ARMC2: variants seen among roughly 807,000 people sequenced by gnomAD.
The protein encoded by ARMC2 is armadillo repeat containing 2.
A neutral mutation model predicts 90.3 loss-of-function variants in ARMC2; 67 were observed. The observed-to-expected ratio is 0.74, with a 90% CI of 0.61 to 0.91. The LOEUF (loss-of-function observed/expected upper bound fraction) is 0.91. Among genes scored for constraint, ARMC2 ranks in the 40% least tolerant of loss-of-function variants. The pLI is 0.00. For synonymous variants in ARMC2, 393 were observed against 393.0 expected (o/e 1.00, Z 0.00); for missense variants, 920 against 1,030.9 (o/e 0.89, Z 1.47).
At chr6:109,041,149 A>C in the ARMC2 span, among the ~76,000 whole-genome samples, 1,318 of 150,896 alleles carry the variant, frequency 8.7e-3, 22 homozygotes, top group African/African-American at 0.028. Context: ...AAAAAAAAAA[A>C]AAACAAACCA....
chr6:108,938,455 G>A (rs972205417), intron 12 of ARMC2, among the ~76,000 whole-genome samples: 20 of 149,588 alleles, frequency 1.3e-4, no homozygotes, highest in African/African-American at 4.9e-4. Flanking sequence ...GTTTTGCCAT[G>A]TGCTGGGATT....
chr6:109,026,565 C>T, the ARMC2 span, among the ~76,000 whole-genome samples: 4 of 152,006 alleles, frequency 2.6e-5, no homozygotes, highest in South Asian at 2.1e-4. Context: ...GGCGCAATCT[C>T]GGCTCACTGC....
the ARMC2 span, among the ~76,000 whole-genome samples, chr6:108,985,573 A>G: frequency 3.9e-5 from 6 of 152,174 alleles, no homozygotes; most frequent in Non-Finnish European, 7.4e-5. Flanking sequence ...AGGTATAAAC[A>G]TATTTTTTAA....
chr6:108,967,791 C>A (rs1226057234), intron 17 of ARMC2, among the ~76,000 whole-genome samples: 1 of 152,164 alleles, frequency 6.6e-6, no homozygotes, highest in Non-Finnish European at 1.5e-5. Flanking sequence ...ATGCGAAGGG[C>A]TGACTGCGCT....
chr6:108,909,618 C>A (rs1361772245), intron 8 of ARMC2, among the ~76,000 whole-genome samples: 2 of 152,144 alleles, frequency 1.3e-5, no homozygotes, highest in Admixed American at 6.5e-5. Context: ...TCACTGCAAC[C>A]TCCGCCTCCC....
At chr6:108,889,852 C>G (rs1770777857) in intron 5 of ARMC2, among the ~76,000 whole-genome samples, 1 of 151,810 alleles carries the variant, frequency 6.6e-6, no homozygotes, top group African/African-American at 2.4e-5. Context: ...ATTTCACATT[C>G]TAGTACTTTA....
chr6:108,995,366 C>T, the ARMC2 span, among the ~76,000 whole-genome samples: 1 of 152,180 alleles, frequency 6.6e-6, no homozygotes, highest in East Asian at 1.9e-4. Flanking sequence ...AGCTTTATTT[C>T]TACAATTTAC....
At chr6:108,937,027 A>C in intron 12 of ARMC2, 28 bp downstream of exon 12, 1 of 1,510,484 alleles carries the variant, frequency 6.6e-7, no homozygotes, top group East Asian at 2.3e-5. Context: ...TTAATTCTTC[A>C]ATGAGTCTTT....
chr6:108,868,806 A>T lies in ARMC2; in HGVS notation c.292-18A>T, dbSNP rs1284766438. 7.5e-6 allele frequency: 12 copies of T among 1,609,920 alleles called. No individual in the cohort carries two copies. The South Asian group carries it at 1.1e-4, about 15-fold the overall frequency. ...ACGCAGAAAGTCATTCCAGTTATTTAAAAAAATCTCTTTCCAGAAACCGAA... is the reference window on the plus strand; with the variant it reads ...ACGCAGAAAGTCATTCCAGTTATTTTAAAAAATCTCTTTCCAGAAACCGAA... On this transcript the variant is annotated intron_variant, in intron 3 of 17. Coordinates refer to ENST00000392644, the MANE Select transcript of ARMC2 (RefSeq NM_032131.6).
Position 108,928,195 on chromosome 6 carries a change from T to G in ARMC2, c.1458T>G (p.Gly486=). 2 of 1,572,416 alleles carry G rather than the reference T, an allele frequency of 1.3e-6. No individual in the cohort carries two copies. Among genetic ancestry groups the G allele is most frequent in the Non-Finnish European group, 1.7e-6 (2 of 1,159,250 alleles). Residue 486 remains glycine (G), a synonymous_variant, in exon 11 of 18, where the codon GGT becomes GGG. Transcript: ENST00000392644. The part of the protein sequence containing the change: ...QLCTAMEQYK[G]DKDVCTNIAR... ...GCACGGCAATGGAACAGTACAAGGG[T>G]GACAAGGACGTCTGTACCAATATTG...
intron 5 of ARMC2, among the ~76,000 whole-genome samples, chr6:108,881,219 T>C (rs1053861740): frequency 2.7e-5 from 4 of 150,322 alleles, no homozygotes; most frequent in African/African-American, 1.0e-4. Context: ...TCCTTTCTTT[T>C]CTTTCTTTCT....
chr6:108,991,474 C>A, the ARMC2 span, among the ~76,000 whole-genome samples: 1 of 152,134 alleles, frequency 6.6e-6, no homozygotes, highest in Non-Finnish European at 1.5e-5. Context: ...AATGCTTGGC[C>A]TCAGTGATTT....
the ARMC2 span, among the ~76,000 whole-genome samples, chr6:109,004,965 A>C: frequency 2.0e-5 from 3 of 152,344 alleles, no homozygotes; most frequent in South Asian, 6.2e-4. Context: ...AAGTATGAGA[A>C]AAAAGAGTAT....
intron 3 of ARMC2, among the ~76,000 whole-genome samples, chr6:108,862,997 G>A (rs1299019603): frequency 6.6e-6 from 1 of 152,186 alleles, no homozygotes; most frequent in Non-Finnish European, 1.5e-5. Context: ...GCAATGGGCT[G>A]CCCACACTCA....
the ARMC2 span, among the ~76,000 whole-genome samples, chr6:109,004,840 C>A: frequency 5.3e-5 from 8 of 152,178 alleles, no homozygotes; most frequent in Admixed American, 2.0e-4. Context: ...TGCTGAGATA[C>A]TGTCTTCCTC....
At chr6:108,987,537 A>T in the ARMC2 span, 11 of 1,516,242 alleles carry the variant, frequency 7.3e-6, no homozygotes, top group Admixed American at 1.8e-4. Context: ...TTAATGAAGG[A>T]AAGGCATCAG....
At chr6:108,964,605 C>A (rs1778228669) in intron 16 of ARMC2, among the ~76,000 whole-genome samples, 2 of 152,158 alleles carry the variant, frequency 1.3e-5, no homozygotes, top group Non-Finnish European at 2.9e-5. Flanking sequence ...GAAACCCTGT[C>A]TCTACTAAAA....
Position 108,881,518 on chromosome 6 carries a change from T to C in ARMC2, c.671+5168T>C, listed in dbSNP as rs78344073. On this transcript the variant is annotated intron_variant, in intron 5 of 17. Coordinates refer to ENST00000392644, the MANE Select transcript of ARMC2 (RefSeq NM_032131.6). The stretch of plus-strand genomic sequence containing the variant: ...AACAGATTTCACTAAAAGTGAGTCT[T>C]TTAATTCAGAAAGATGTACTCAATA... Among the ~76,000 whole-genome samples the C allele has an allele frequency of 4.1e-3, 631 of 152,226 alleles. 3 individuals are homozygous for C. Among genetic ancestry groups the C allele is most frequent in the African/African-American group, 0.014 (592 of 41,526 alleles).
chr6:108,982,536 T>G, the ARMC2 span, among the ~76,000 whole-genome samples: 1 of 152,228 alleles, frequency 6.6e-6, no homozygotes. Flanking sequence ...TTTAACTTTT[T>G]GAGGAACCTC....
Sources: gnomAD v4.1 joint callset for allele counts (sites outside exome capture counted in the v4.1 genomes callset) on GRCh38, gnomAD v4.1.1 for gene constraint, MANE v1.5 for transcripts, NCBI Gene and HGNC (gene_info 2026-07-23, HGNC 2026-07-21) for gene names.